TACC2: variants seen among roughly 807,000 people sequenced by gnomAD.
TACC2 encodes transforming acidic coiled-coil containing protein 2.
TACC2 carries 137 observed loss-of-function variants against 227.3 expected under a neutral mutation model. The observed-to-expected ratio is 0.60, with a 90% CI of 0.52 to 0.69. The LOEUF is 0.69. Among genes scored for constraint, TACC2 ranks in the 30% least tolerant of loss-of-function variants. The pLI, the probability that TACC2 is intolerant of heterozygous loss-of-function variation, is 0.00. For synonymous variants in TACC2, 1,523 were observed against 1,487.5 expected (o/e 1.02, Z -0.55); for missense variants, 3,470 against 3,694.4 (o/e 0.94, Z 1.57).
intron 1 of TACC2, among the ~76,000 whole-genome samples, chr10:122,020,823 A>G (rs910659884): frequency 6.6e-6 from 1 of 152,214 alleles, no homozygotes; most frequent in Non-Finnish European, 1.5e-5. Flanking sequence ...AGAAAAAGTG[A>G]AGGTAACACC....
intron 5 of TACC2, among the ~76,000 whole-genome samples, chr10:122,125,825 G>A (rs1473244970): frequency 7.2e-6 from 1 of 139,788 alleles, no homozygotes; most frequent in Non-Finnish European, 1.5e-5. Flanking sequence ...TGTCCAGGCT[G>A]GAGTGCAGTG....
chr10:122,135,998 C>G (rs1253480745), intron 6 of TACC2, among the ~76,000 whole-genome samples: 1 of 152,164 alleles, frequency 6.6e-6, no homozygotes, highest in Non-Finnish European at 1.5e-5. Flanking sequence ...GAAGCTTCCT[C>G]CCGGCATGAG....
At chr10:122,040,811 C>A (rs1387631670) in intron 2 of TACC2, among the ~76,000 whole-genome samples, 2 of 152,184 alleles carry the variant, frequency 1.3e-5, no homozygotes, top group African/African-American at 2.4e-5. Context: ...AAGACAGGTG[C>A]ACAGACCCCA....
At chr10:121,990,334 T>C (rs889255562) in intron 1 of TACC2, among the ~76,000 whole-genome samples, 9 of 151,712 alleles carry the variant, frequency 5.9e-5, no homozygotes, top group Non-Finnish European at 1.3e-4. Context: ...GCCAGGCTGG[T>C]CTCAAACCCC....
rs2096144522 is a variant in TACC2, at chr10:122,247,257, G to T, written c.8393-1386G>T. 2.0e-5 allele frequency: 3 copies of T among 152,240 alleles called. No homozygotes were observed. The South Asian group carries it at 6.2e-4, about 32-fold the overall frequency. The allele number at this position is 152,240 out of a possible 1,614,324, so 9.4% of individuals were successfully genotyped here. A position where few individuals can be genotyped will look rare whatever the true frequency, so the allele number is the denominator to read the frequency against. ...CACATGGAAGGGTCCAGTCAGCGCT[G>T]GCTCCCGTTGTTCTGTTATTTCCAG... On this transcript the variant is annotated intron_variant, in intron 19 of 22. Transcript: ENST00000369005.
intron 1 of TACC2, among the ~76,000 whole-genome samples, chr10:122,005,511 A>T (rs928479286): frequency 1.3e-5 from 2 of 150,844 alleles, no homozygotes; most frequent in African/African-American, 4.9e-5. Context: ...CAGCCTCCCG[A>T]GTAGCTGGGA....
intron 7 of TACC2, among the ~76,000 whole-genome samples, chr10:122,169,873 C>G (rs2093381142): frequency 6.6e-6 from 1 of 152,030 alleles, no homozygotes; most frequent in South Asian, 2.1e-4. Context: ...GCCTCAGCCT[C>G]CCGAGTAGCT....
intron 5 of TACC2, among the ~76,000 whole-genome samples, chr10:122,091,046 C>T (rs185243748): frequency 6.6e-5 from 10 of 152,246 alleles, no homozygotes; most frequent in Admixed American, 3.3e-4. Context: ...AGCCTACAAA[C>T]AGATCTTCAT....
chr10:122,165,919 C>T (rs1365239717), intron 7 of TACC2, among the ~76,000 whole-genome samples: 1 of 152,246 alleles, frequency 6.6e-6, no homozygotes, highest in African/African-American at 2.4e-5. Context: ...TGCAGATGTG[C>T]TCTTTCCCAG....
At chr10:122,088,821 C>T (rs1367434604) in intron 5 of TACC2, 10 of 1,405,274 alleles carry the variant, frequency 7.1e-6, no homozygotes, top group South Asian at 2.8e-5. Context: ...AGTTTATTAC[C>T]TTAAATTTAA....
chr10:122,249,496 C>G (rs753234440), intron 21 of TACC2, 48 bp from the exon 22 acceptor site: 5 of 1,599,760 alleles, frequency 3.1e-6, no homozygotes, highest in East Asian at 2.2e-5. Flanking sequence ...GGAGGTGTCT[C>G]TAGTGATCCA....
At chr10:122,065,474 TC>T (rs2077278342) in intron 3 of TACC2, among the ~76,000 whole-genome samples, 1 of 152,364 alleles carries the variant, frequency 6.6e-6, no homozygotes, top group African/African-American at 2.4e-5. Flanking sequence ...TAATTTAATT[TC>T]ATTGTAGCCA....
chr10:122,022,101 C>A, intron 2 of TACC2, 87 bp downstream of exon 2: 1 of 1,385,380 alleles, frequency 7.2e-7, no homozygotes, highest in Non-Finnish European at 1.0e-6. Context: ...TCATCTTCAC[C>A]CAGGAAGGAG....
At chr10:122,160,155 G>A (rs946417551) in intron 7 of TACC2, among the ~76,000 whole-genome samples, 2 of 152,172 alleles carry the variant, frequency 1.3e-5, no homozygotes, top group African/African-American at 4.8e-5. Flanking sequence ...ATTAATAAAC[G>A]TTGAACTGCT....
intron 5 of TACC2, among the ~76,000 whole-genome samples, chr10:122,123,588 C>G (rs1373197976): frequency 2.6e-5 from 4 of 152,200 alleles, no homozygotes; most frequent in African/African-American, 9.6e-5. Context: ...TGGCTTCTAA[C>G]TGGTCAGTTC....
intron 8 of TACC2, among the ~76,000 whole-genome samples, chr10:122,203,539 A>G (rs1371492061): frequency 7.2e-6 from 1 of 138,078 alleles, no homozygotes; most frequent in South Asian, 2.4e-4. Flanking sequence ...CCGGGCAGAG[A>G]CGCTCCTCAC....
chr10:122,239,547 G>A (rs759715475), intron 18 of TACC2, among the ~76,000 whole-genome samples: 1 of 152,112 alleles, frequency 6.6e-6, no homozygotes, highest in Non-Finnish European at 1.5e-5. Flanking sequence ...AAACCTCTTT[G>A]TTTTTTCTCT....
intron 2 of TACC2, among the ~76,000 whole-genome samples, chr10:122,043,521 CT>C (rs1209085496): frequency 2.4e-5 from 1 of 42,164 alleles, no homozygotes; most frequent in African/African-American, 9.8e-5. Context: ...CTTTTTCTTT[CT>C]TTTCTTTCTT....
intron 5 of TACC2, among the ~76,000 whole-genome samples, chr10:122,103,204 C>CT (rs2082367825): frequency 6.6e-6 from 1 of 152,150 alleles, no homozygotes; most frequent in Non-Finnish European, 1.5e-5. Flanking sequence ...TCATATTCCC[C>CT]TCCTGACATG....
Sources: allele counts gnomAD v4.1 joint callset (sites outside exome capture counted in the v4.1 genomes callset), GRCh38; gene constraint gnomAD v4.1.1; transcripts MANE v1.5; gene names NCBI Gene and HGNC (gene_info 2026-07-23, HGNC 2026-07-21).